The following RBFOX1 variants were observed in gnomAD, a reference collection of about 807,000 sequenced individuals.
The protein encoded by RBFOX1 is RNA binding protein fox-1 homolog 1.
RBFOX1 carries 8 observed loss-of-function variants against 57.7 expected under a neutral mutation model. The ratio of observed to expected loss-of-function variants is 0.14; its 90% CI spans 0.08 to 0.25. RBFOX1 has a LOEUF of 0.25. RBFOX1 is among the 10% of genes least tolerant of loss of function. RBFOX1 has a pLI of 1.00. For missense variants in RBFOX1, 611 were observed against 548.5 expected (o/e 1.11, Z -1.14); for synonymous variants, 326 against 222.4 (o/e 1.47, Z -4.15).
intron 1 of RBFOX1, among the ~76,000 whole-genome samples, chr16:5,382,451 T>C (rs932991927): frequency 1.3e-5 from 2 of 152,212 alleles, no homozygotes; most frequent in African/African-American, 2.4e-5. Context: ...TTTATTTGCC[T>C]TCTGGTATCT....
chr16:6,465,278 T>C (rs2095020320), intron 2 of RBFOX1, among the ~76,000 whole-genome samples: 1 of 152,160 alleles, frequency 6.6e-6, no homozygotes, highest in African/African-American at 2.4e-5. Context: ...GTTATTGTTG[T>C]TAATTATTTT....
chr16:7,180,992 C>T (rs1288531198), intron 4 of RBFOX1, among the ~76,000 whole-genome samples: 4 of 152,126 alleles, frequency 2.6e-5, no homozygotes, highest in African/African-American at 9.7e-5. Context: ...CAGTCATAGG[C>T]AATGCAAAAG....
chr16:5,944,964 T>TAAAA lies in RBFOX1; in HGVS notation c.351+77650_351+77653dup, dbSNP rs386384118. 5.4e-3 allele frequency among the ~76,000 whole-genome samples: 260 copies of TAAAA among 48,008 alleles called. 17 individuals carry two copies. The highest frequency in any genetic ancestry group is 0.013 in the African/African-American group (137 of 10,358). 31.5% of individuals were successfully genotyped at this position (48,008 alleles called of 152,430 possible). On this transcript the variant is annotated intron_variant, in intron 4 of 19. Coordinates refer to the RBFOX1 transcript ENST00000641259. ...CTGGAGACAGAGCAAGACTCTGTCATAAAAAAAAAAAAAAAAAAAAAAAAG... is the reference window on the plus strand; with the variant it reads ...CTGGAGACAGAGCAAGACTCTGTCATAAAAAAAAAAAAAAAAAAAAAAAAAAAAG...
intron 4 of RBFOX1, among the ~76,000 whole-genome samples, chr16:7,167,982 A>G (rs992836219): frequency 3.3e-5 from 5 of 152,188 alleles, no homozygotes; most frequent in African/African-American, 1.2e-4. Flanking sequence ...GCGCAGAACC[A>G]CACAAGGTAA....
chr16:7,299,727 A>G (rs995650870), intron 4 of RBFOX1, among the ~76,000 whole-genome samples: 1 of 152,206 alleles, frequency 6.6e-6, no homozygotes, highest in Non-Finnish European at 1.5e-5. Context: ...CTAGAGGCCA[A>G]CAGGCCAGCT....
At position 6,598,291 on chromosome 16, in the gene RBFOX1, AATT is replaced by A. The variant is rs140403161; in HGVS notation, c.-63-56305_-63-56303del. On this transcript the variant is annotated intron_variant, in intron 2 of 15. Transcript: ENST00000550418. ...GACATCCTTTCTTGTCAGGATCTAA[AATT>A]ATTATTTACTCTTTTAAAAGACTGC... Among the ~76,000 whole-genome samples, 24 of 152,232 alleles carry A rather than the reference AATT, an allele frequency of 1.6e-4. No homozygotes were observed. The East Asian group carries it at 4.3e-3, about 27-fold the overall frequency.
chr16:5,976,165 TAATAA>T (rs905148607), intron 4 of RBFOX1, among the ~76,000 whole-genome samples: 33 of 151,800 alleles, frequency 2.2e-4, no homozygotes, highest in Non-Finnish European at 3.5e-4. Flanking sequence ...AATAAATAAA[TAATAA>T]AATAAAATAA....
intron 2 of RBFOX1, among the ~76,000 whole-genome samples, chr16:6,428,937 C>T (rs1250800217): frequency 6.6e-6 from 1 of 152,190 alleles, no homozygotes; most frequent in Non-Finnish European, 1.5e-5. Flanking sequence ...TCTTAGATCA[C>T]AGCGCATTTG....
chr16:5,669,121 CTCATGGAGCTGAAAAT>C, intron 3 of RBFOX1, among the ~76,000 whole-genome samples: 1 of 152,296 alleles, frequency 6.6e-6, no homozygotes, highest in East Asian at 1.9e-4. Flanking sequence ...AAAATGTAAT[CTCATGGAGCTGAAAAT>C]TCCAGAGGGT....
At chr16:6,335,345 T>G (rs545007731) in intron 2 of RBFOX1, among the ~76,000 whole-genome samples, 1 of 152,076 alleles carries the variant, frequency 6.6e-6, no homozygotes, top group Non-Finnish European at 1.5e-5. Context: ...TATTCATGCA[T>G]CTCTCTAAAC....
In RBFOX1 at chr16:5,996,436, C is replaced by T. The variant is rs147786358; in HGVS notation, c.351+129101C>T. ...TTTGCAATCTGGTTGGAGGAGTTCACGGAGGTGTGAGGGTGATTTTTTTTT... is the reference window on the plus strand; with the variant it reads ...TTTGCAATCTGGTTGGAGGAGTTCATGGAGGTGTGAGGGTGATTTTTTTTT... On this transcript the variant is annotated intron_variant, in intron 4 of 19. Transcript: ENST00000641259. Among the ~76,000 whole-genome samples the T allele has an allele frequency of 2.1e-4, 29 of 137,150 alleles. No homozygotes were observed. The East Asian group carries it at 3.7e-3, about 18-fold the overall frequency. 90.0% of individuals were successfully genotyped at this position (137,150 alleles called of 152,430 possible).
chr16:6,960,659 G>C (rs1212639046), intron 3 of RBFOX1, among the ~76,000 whole-genome samples: 1 of 151,984 alleles, frequency 6.6e-6, no homozygotes, highest in Non-Finnish European at 1.5e-5. Flanking sequence ...TCTGGAGACA[G>C]GACATACTCT....
intron 4 of RBFOX1, among the ~76,000 whole-genome samples, chr16:7,407,614 C>G (rs2098367719): frequency 6.6e-6 from 1 of 152,094 alleles, no homozygotes; most frequent in Admixed American, 6.6e-5. Flanking sequence ...AATAGAAATA[C>G]AGAAGAAAGA....
intron 3 of RBFOX1, among the ~76,000 whole-genome samples, chr16:6,871,612 G>C (rs1241592045): frequency 6.6e-6 from 1 of 151,854 alleles, no homozygotes; most frequent in African/African-American, 2.4e-5. Context: ...CTATTCTCCT[G>C]GCCAAAGCCA....
chr16:7,620,135 G>C (rs2059084614), intron 10 of RBFOX1, among the ~76,000 whole-genome samples: 1 of 152,116 alleles, frequency 6.6e-6, no homozygotes, highest in South Asian at 2.1e-4. Flanking sequence ...ACCAAAGTAA[G>C]TCCTCAGAGC....
intron 2 of RBFOX1, among the ~76,000 whole-genome samples, chr16:6,468,686 T>C (rs2153076679): frequency 6.6e-6 from 1 of 152,332 alleles, no homozygotes; most frequent in East Asian, 1.9e-4. Flanking sequence ...ATTGAAATGT[T>C]GAGCCTAGAT....
intron 1 of RBFOX1, among the ~76,000 whole-genome samples, chr16:6,251,348 C>T (rs1488801318): frequency 6.6e-6 from 1 of 152,120 alleles, no homozygotes; most frequent in East Asian, 1.9e-4. Flanking sequence ...CATTATTATT[C>T]TCCTGTTACA....
At chr16:6,867,352 T>G (rs1163698278) in intron 3 of RBFOX1, among the ~76,000 whole-genome samples, 1 of 152,030 alleles carries the variant, frequency 6.6e-6, no homozygotes, top group Non-Finnish European at 1.5e-5. Flanking sequence ...TAACCTCTCT[T>G]GGGGTAGTGA....
intron 3 of RBFOX1, among the ~76,000 whole-genome samples, chr16:6,999,225 A>ATTTTTTTTTTTTTTT (rs200620958): frequency 8.1e-6 from 1 of 122,954 alleles, no homozygotes; most frequent in African/African-American, 2.9e-5. Flanking sequence ...TATTTTTTTT[A>ATTTTTTTTTTTTTTT]TTTATTTTTT....
Sources: gnomAD v4.1 joint callset for allele counts (sites outside exome capture counted in the v4.1 genomes callset) on GRCh38, gnomAD v4.1.1 for gene constraint, MANE v1.5 for transcripts, NCBI Gene and HGNC (gene_info 2026-07-23, HGNC 2026-07-21) for gene names.